Variants in VWA8 observed in about 807,000 individuals in gnomAD.
VWA8 encodes the protein von Willebrand factor A domain containing 8, also known as von Willebrand factor A domain-containing protein 8.
VWA8 carries 221 observed loss-of-function variants against 241.5 expected under a neutral mutation model. The observed-to-expected ratio is 0.91, with a 90% CI of 0.82 to 1.02. The LOEUF (loss-of-function observed/expected upper bound fraction) is 1.02. VWA8 is among the 50% of genes least tolerant of loss of function. The pLI is 0.00. For missense variants in VWA8, 2,322 were observed against 2,328.7 expected, an observed-to-expected ratio of 1.00 and a Z score of 0.06; for synonymous variants, 852 against 827.1, an observed-to-expected ratio of 1.03 and a Z score of -0.52.
chr13:41,879,155 T>C (rs945951915), intron 9 of VWA8, among the ~76,000 whole-genome samples: 1 of 152,248 alleles, frequency 6.6e-6, no homozygotes, highest in Admixed American at 6.5e-5. Context: ...AGCTTAGGTG[T>C]TGATTAAATC....
At chr13:41,863,419 GTGTGTGTGTGTGTGTATATA>G (rs1483932330) in intron 12 of VWA8, among the ~76,000 whole-genome samples, 2 of 70,072 alleles carry the variant, frequency 2.9e-5, no homozygotes, top group Non-Finnish European at 6.0e-5. Flanking sequence ...GTGTGTGTGT[GTGTGTGTGTGTGTGTATATA>G]TATATATATA....
intron 2 of VWA8, among the ~76,000 whole-genome samples, chr13:41,919,142 C>T (rs973237970): frequency 3.9e-5 from 6 of 152,132 alleles, no homozygotes; most frequent in Non-Finnish European, 7.4e-5. Flanking sequence ...AGGAGAAATC[C>T]TGTAGAGCAC....
intron 2 of VWA8, chr13:41,926,256 G>C (rs533922361): frequency 1.2e-5 from 8 of 670,154 alleles, no homozygotes; most frequent in Admixed American, 1.0e-4. Context: ...TGGCCTCAAA[G>C]ACCAGGAAAC....
chr13:41,581,369 G>A (rs1305642047), intron 42 of VWA8, among the ~76,000 whole-genome samples: 1 of 152,186 alleles, frequency 6.6e-6, no homozygotes, highest in Non-Finnish European at 1.5e-5. Context: ...CAGAGCCTGT[G>A]AGAAATAATA....
intron 40 of VWA8, among the ~76,000 whole-genome samples, chr13:41,592,790 A>G (rs913898551): frequency 2.0e-5 from 3 of 150,960 alleles, no homozygotes; most frequent in African/African-American, 7.3e-5. Flanking sequence ...TTCTTTCACC[A>G]CTGTTCAATA....
At chr13:41,856,520 T>C (rs999460051) in intron 12 of VWA8, among the ~76,000 whole-genome samples, 1 of 152,168 alleles carries the variant, frequency 6.6e-6, no homozygotes, top group African/African-American at 2.4e-5. Context: ...TAGATGGTTT[T>C]TCTTAGAAAC....
chr13:41,727,198 G>C lies in VWA8; in HGVS notation c.2754C>G (p.Thr918=). 6.5e-7 allele frequency: 1 copy of C among 1,541,970 alleles called. No homozygotes were observed. The highest frequency in any genetic ancestry group is 8.7e-7 in the Non-Finnish European group (1 of 1,143,980). The part of the protein sequence containing the change: ...FPFLGNDFFG[T]LGDIFSCHAV... ...TATTATCATTACTGTTTTTACCTAA[G>C]GTACCGAAGAAATCATTGCCTAGGA... The change falls in exon 24 of 45, where the codon ACC becomes ACG. Residue 918 remains threonine, a synonymous_variant. Coordinates refer to ENST00000379310, the MANE Select transcript of VWA8 (RefSeq NM_015058.2).
chr13:41,703,897 C>T (rs1003655203), intron 26 of VWA8, among the ~76,000 whole-genome samples: 2 of 151,382 alleles, frequency 1.3e-5, no homozygotes, highest in Non-Finnish European at 2.9e-5. Flanking sequence ...TTTGTTTTAG[C>T]CTTCCTGAGT....
intron 18 of VWA8, among the ~76,000 whole-genome samples, chr13:41,784,713 T>TATATATATATATATATAC (rs1447158588): frequency 2.8e-5 from 2 of 70,702 alleles, no homozygotes; most frequent in African/African-American, 8.5e-5. Flanking sequence ...TATATATATA[T>TATATATATATATATATAC]ATATATATAT....
At chr13:41,925,011 CAAAAG>C (rs1712791262) in intron 2 of VWA8, among the ~76,000 whole-genome samples, 1 of 151,910 alleles carries the variant, frequency 6.6e-6, no homozygotes. Context: ...TTAAAAGCAG[CAAAAG>C]AAAAGCATCA....
intron 12 of VWA8, among the ~76,000 whole-genome samples, chr13:41,846,772 C>T (rs1872308566): frequency 6.6e-6 from 1 of 152,154 alleles, no homozygotes. Context: ...CACGGTGGCT[C>T]ACGCCTGTAA....
chr13:41,735,196 T>C (rs760291730), intron 21 of VWA8, among the ~76,000 whole-genome samples: 2 of 152,156 alleles, frequency 1.3e-5, no homozygotes, highest in Non-Finnish European at 2.9e-5. Context: ...ACATATTTAA[T>C]GGGCAATAAC....
intron 17 of VWA8, among the ~76,000 whole-genome samples, chr13:41,806,004 A>AT (rs141392847): frequency 0.17 from 25,843 of 150,196 alleles, 2,352 homozygotes; most frequent in Non-Finnish European, 0.2. Flanking sequence ...TCAAAAATAA[A>AT]AAAAAAAAAA....
rs533675194 is a variant in VWA8 at position 41,915,797 on chromosome 13, G to A, written c.242-3629C>T. On this transcript the variant is annotated intron_variant, in intron 2 of 44. Transcript: ENST00000379310. Reference sequence around the variant, plus strand: ...TTCTTAATACATATAAGCTACTTCTGAATCCCATGGCTGGCCTTGTAGTCT... The same window carrying A: ...TTCTTAATACATATAAGCTACTTCTAAATCCCATGGCTGGCCTTGTAGTCT... Among the ~76,000 whole-genome samples the A allele has an allele frequency of 3.3e-5, 5 of 152,272 alleles. No individual in the cohort carries two copies. The East Asian group carries it at 9.6e-4, about 29-fold the overall frequency.
In VWA8 at chr13:41,891,417, T is replaced by C. The variant is rs764563626; in HGVS notation, c.651+3A>G. 1.2e-6 allele frequency: 2 copies of C among 1,613,954 alleles called. No homozygotes were observed. The highest frequency in any genetic ancestry group is 1.3e-5 in the African/African-American group (1 of 74,918). ...ACAAAGCAACAGGATTTTCTTTTCT[T>C]ACTCGGAGAAGTTTGTCGTAACGCT... On this transcript the variant is annotated splice_donor_region_variant and intron_variant, in intron 5 of 44. Coordinates refer to ENST00000379310, the MANE Select transcript of VWA8 (RefSeq NM_015058.2).
At chr13:41,899,547 C>T (rs754976747) in intron 4 of VWA8, among the ~76,000 whole-genome samples, 5 of 152,102 alleles carry the variant, frequency 3.3e-5, no homozygotes, top group African/African-American at 1.2e-4. Context: ...AAATCTGAAA[C>T]GCTCAATTTT....
intron 2 of VWA8, chr13:41,926,082 T>A: frequency 2.1e-6 from 1 of 486,480 alleles, no homozygotes; most frequent in South Asian, 2.7e-5. Flanking sequence ...TCCCAGAAAT[T>A]ATAAATCAGA....
chr13:41,891,671 T>C lies in VWA8; in HGVS notation c.484-84A>G. On this transcript the variant is annotated intron_variant, in intron 4 of 44. Transcript: ENST00000379310. ...ACATTACTTGTAATTCAAATTTAAGTTGCAGTTCTTGTTATAGGGACCAGA... is the reference window on the plus strand; with the variant it reads ...ACATTACTTGTAATTCAAATTTAAGCTGCAGTTCTTGTTATAGGGACCAGA... The C allele has an allele frequency of 2.1e-6, 3 of 1,449,282 alleles. No individual in the cohort carries two copies. The Admixed American group carries it at 5.8e-5, about 28-fold the overall frequency. The allele number at this position is 1,449,282 out of a possible 1,614,324, so 89.8% of individuals were successfully genotyped here. A position where few individuals can be genotyped will look rare whatever the true frequency, so the allele number is the denominator to read the frequency against.
At chr13:41,786,700 A>G (rs997098426) in intron 18 of VWA8, among the ~76,000 whole-genome samples, 5 of 152,122 alleles carry the variant, frequency 3.3e-5, no homozygotes, top group Non-Finnish European at 5.9e-5. Flanking sequence ...CTCAATACCA[A>G]ATTCTTGTCT....
Sources: gnomAD v4.1 joint callset for allele counts (sites outside exome capture counted in the v4.1 genomes callset) on GRCh38, gnomAD v4.1.1 for gene constraint, MANE v1.5 for transcripts, NCBI Gene and HGNC (gene_info 2026-07-23, HGNC 2026-07-21) for gene names.